C10orf53: variants seen among roughly 807,000 people sequenced by gnomAD.
The protein encoded by C10orf53 is chromosome 10 open reading frame 53.
Under a neutral mutation model 9.4 loss-of-function variants are expected in C10orf53, and 8 were observed. The ratio of observed to expected loss-of-function variants is 0.85; its 90% CI spans 0.50 to 1.53. The LOEUF (loss-of-function observed/expected upper bound fraction) is 1.53. Among genes scored for constraint, C10orf53 ranks in the 40% most tolerant of loss-of-function variants. The pLI is 0.00. For missense variants in C10orf53, 117 were observed against 117.8 expected, an observed-to-expected ratio of 0.99 and a Z score of 0.03; for synonymous variants, 48 against 46.0, an observed-to-expected ratio of 1.04 and a Z score of -0.18.
downstream of C10orf53, among the ~76,000 whole-genome samples, chr10:49,698,850 G>A (rs958788522): frequency 1.3e-5 from 2 of 152,146 alleles, no homozygotes; most frequent in African/African-American, 4.8e-5. Flanking sequence ...CCGAAGTCAG[G>A]CAGCAGCAGA....
In C10orf53 at chr10:49,696,446, G is replaced by A. The variant is rs962125659; in HGVS notation, c.*1844G>A. On this transcript the variant is annotated 3_prime_UTR_variant, in exon 3 of 3. Coordinates refer to ENST00000374111, the MANE Select transcript of C10orf53 (RefSeq NM_001042427.3). Reference sequence around the variant, plus strand: ...CTGTCTCCTCTAGCCCTGCAACCCCGGCATTAAACTGGTAACAAGTGCTTC... The same window carrying A: ...CTGTCTCCTCTAGCCCTGCAACCCCAGCATTAAACTGGTAACAAGTGCTTC... 1.3e-5 allele frequency among the ~76,000 whole-genome samples: 2 copies of A among 152,132 alleles called. No homozygotes were observed. Among genetic ancestry groups the A allele is most frequent in the African/African-American group, 2.4e-5 (1 of 41,438 alleles).
Position 49,696,581 on chromosome 10 carries a change from G to A in C10orf53, c.*1979G>A, listed in dbSNP as rs897865141. On this transcript the variant is annotated 3_prime_UTR_variant, in exon 3 of 3. Transcript: ENST00000374111. ...GAAGACCTGCCCTCCTTGGCTTCAT[G>A]ACCAGAGCTGAAGGGCAGGTAAGGC... is the stretch of plus-strand genomic sequence containing the variant. 2.0e-5 allele frequency among the ~76,000 whole-genome samples: 3 copies of A among 152,200 alleles called. No individual in the cohort carries two copies. Among genetic ancestry groups the A allele is most frequent in the African/African-American group, 7.2e-5 (3 of 41,444 alleles).
Position 49,694,760 on chromosome 10 carries a change from A to T in C10orf53, c.*158A>T, listed in dbSNP as rs965772251. ...GACCTCCAGCTTACGCAGCCTCAGG[A>T]TTGTCACCTGGCTGCACAGGAGCCC... On this transcript the variant is annotated 3_prime_UTR_variant, in exon 3 of 3. Transcript: ENST00000374111. The T allele has an allele frequency of 9.8e-6, 14 of 1,434,718 alleles. No individual in the cohort carries two copies. The Admixed American group carries it at 1.1e-4, about 12-fold the overall frequency. The allele number at this position is 1,434,718 out of a possible 1,614,324, so 88.9% of individuals were successfully genotyped here.
chr10:49,681,403 G>A (rs1840477934), intron 1 of C10orf53, among the ~76,000 whole-genome samples: 2 of 152,194 alleles, frequency 1.3e-5, no homozygotes, highest in Admixed American at 6.5e-5. Flanking sequence ...TTTTAGCTGA[G>A]CAATCAGGGA....
chr10:49,694,297 A>G, intron 2 of C10orf53: 1 of 615,508 alleles, frequency 1.6e-6, no homozygotes, highest in South Asian at 2.1e-5. Flanking sequence ...CCAGCAGTGC[A>G]TGACACTATC....
chr10:49,702,348 T>C (rs896523129), downstream of C10orf53, among the ~76,000 whole-genome samples: 1 of 152,078 alleles, frequency 6.6e-6, no homozygotes, highest in African/African-American at 2.4e-5. Flanking sequence ...TGATCAAACA[T>C]TATTCTGGGA....
intron 1 of C10orf53, 27 bp from the exon 2 acceptor site, chr10:49,693,747 A>T: frequency 1.9e-6 from 3 of 1,608,736 alleles, no homozygotes; most frequent in Non-Finnish European, 2.5e-6. Flanking sequence ...ACCCCATGTC[A>T]CTCACCTCCT....
chr10:49,698,344 T>C (rs768059329), downstream of C10orf53, among the ~76,000 whole-genome samples: 1 of 152,104 alleles, frequency 6.6e-6, no homozygotes, highest in Non-Finnish European at 1.5e-5. Flanking sequence ...ACAAGGGAAC[T>C]GTGTGAAAAA....
intron 1 of C10orf53, among the ~76,000 whole-genome samples, chr10:49,686,025 T>A (rs1840525245): frequency 1.3e-5 from 2 of 152,158 alleles, no homozygotes; most frequent in Non-Finnish European, 2.9e-5. Context: ...TTCTTCATTC[T>A]TTTTCCTTTC....
intron 2 of C10orf53, among the ~76,000 whole-genome samples, chr10:49,708,165 G>T (rs1232361710): frequency 6.6e-6 from 1 of 152,040 alleles, no homozygotes; most frequent in Non-Finnish European, 1.5e-5. Flanking sequence ...AAATCTCAAT[G>T]GTTAAGTCAG....
chr10:49,707,888 C>T (rs572815756), intron 2 of C10orf53, among the ~76,000 whole-genome samples: 1 of 151,474 alleles, frequency 6.6e-6, no homozygotes, highest in African/African-American at 2.4e-5. Context: ...AAAAAAAAAA[C>T]CCATTGACCT....
chr10:49,694,628 G>T lies in C10orf53; in HGVS notation c.*26G>T. On this transcript the variant is annotated 3_prime_UTR_variant, in exon 3 of 3. Transcript: ENST00000374111. ...TCTCCTCATGGAACAGGCATCTCAAGTCGGCACAACAGCAGCTGCCCCAGC... is the reference window on the plus strand; with the variant it reads ...TCTCCTCATGGAACAGGCATCTCAATTCGGCACAACAGCAGCTGCCCCAGC... The T allele has an allele frequency of 6.2e-7, 1 of 1,614,124 alleles. No homozygotes were observed. Among genetic ancestry groups the T allele is most frequent in the Non-Finnish European group, 8.5e-7 (1 of 1,180,010 alleles).
intron 1 of C10orf53, among the ~76,000 whole-genome samples, chr10:49,692,077 C>G (rs909855601): frequency 6.6e-6 from 1 of 152,300 alleles, no homozygotes; most frequent in African/African-American, 2.4e-5. Context: ...AATCTCTGCC[C>G]ATGGACTGCC....
At chr10:49,702,221 AAGGAAGGGAGGG>A (rs1468037546), downstream of C10orf53, among the ~76,000 whole-genome samples, 12 of 118,644 alleles carry the variant, frequency 1.0e-4, no homozygotes, top group Non-Finnish European at 1.7e-4. Context: ...AAAAGGAAGG[AAGGAAGGGAGGG>A]AGGGAGGGAG....
rs1840617310 is a variant in C10orf53, at chr10:49,694,627, A to T, written c.*25A>T. On this transcript the variant is annotated 3_prime_UTR_variant, in exon 3 of 3. Transcript: ENST00000374111. ...ATCTCCTCATGGAACAGGCATCTCA[A>T]GTCGGCACAACAGCAGCTGCCCCAG... The T allele has an allele frequency of 6.2e-7, 1 of 1,614,152 alleles. No homozygotes were observed. Among genetic ancestry groups the T allele is most frequent in the Non-Finnish European group, 8.5e-7 (1 of 1,180,018 alleles).
rs1177614991 is a variant in C10orf53 at position 49,679,669 on chromosome 10, C to T, written c.-29C>T. 2.6e-6 allele frequency: 4 copies of T among 1,543,192 alleles called. No individual in the cohort carries two copies. In the Admixed American group the frequency reaches 7.9e-5, roughly 31 times the overall value. On this transcript the variant is annotated 5_prime_UTR_variant, in exon 1 of 3. Transcript: ENST00000374111. The stretch of plus-strand genomic sequence containing the variant: ...GTTGCTTAGCAGCGTGTGTTTCTCC[C>T]TTGCCTCTGCGGCGGCGGAGGCCTG...
chr10:49,686,129 C>A (rs1428994595), intron 1 of C10orf53, among the ~76,000 whole-genome samples: 1 of 152,174 alleles, frequency 6.6e-6, no homozygotes, highest in Non-Finnish European at 1.5e-5. Flanking sequence ...GTGAAGATGT[C>A]ATGGACATTT....
At chr10:49,700,128 C>T (rs966387828), downstream of C10orf53, among the ~76,000 whole-genome samples, 2 of 152,192 alleles carry the variant, frequency 1.3e-5, no homozygotes, top group African/African-American at 4.8e-5. Context: ...CCGATGTCTC[C>T]ATAAAAAATA....
chr10:49,693,521 A>T (rs945071383), intron 1 of C10orf53, among the ~76,000 whole-genome samples: 1 of 152,228 alleles, frequency 6.6e-6, no homozygotes, highest in East Asian at 1.9e-4. Context: ...GAGGAAGCTC[A>T]TTGTTTAACA....
Sources: allele counts gnomAD v4.1 joint callset (sites outside exome capture counted in the v4.1 genomes callset), GRCh38; gene constraint gnomAD v4.1.1; transcripts MANE v1.5; gene names NCBI Gene and HGNC (gene_info 2026-07-23, HGNC 2026-07-21).